KLF12: variants seen among roughly 807,000 people sequenced by gnomAD.
The protein encoded by KLF12 is Krueppel-like factor 12.
In KLF12, 9 loss-of-function variants were observed where a neutral mutation model predicts 37.8. That is an observed-to-expected ratio of 0.24 (90% CI 0.14 to 0.42). The LOEUF is 0.42. KLF12 is among the 10% of genes least tolerant of loss of function. KLF12 has a pLI of 1.00. For missense variants in KLF12, 411 were observed against 516.0 expected (o/e 0.80, Z 1.97); for synonymous variants, 208 against 202.1 (o/e 1.03, Z -0.25).
In KLF12 at chr13:74,118,397, T is replaced by G. The variant is rs553671446; in HGVS notation, c.-32+15342A>C. On this transcript the variant is annotated intron_variant, in intron 1 of 7. Transcript: ENST00000377669. ...ACGTCTCACAATGCTTAATGAACTTTGCAAAGTTTGTTACATTGTTAAATA... is the reference window on the plus strand; with the variant it reads ...ACGTCTCACAATGCTTAATGAACTTGGCAAAGTTTGTTACATTGTTAAATA... Among the ~76,000 whole-genome samples, 206 of 152,346 alleles carry G rather than the reference T, an allele frequency of 1.4e-3. 1 individual carries two copies. Among genetic ancestry groups the G allele is most frequent in the African/African-American group, 4.4e-3 (182 of 41,590 alleles).
intron 1 of KLF12, among the ~76,000 whole-genome samples, chr13:74,063,771 ATTT>A (rs1261212492): frequency 6.6e-6 from 1 of 152,190 alleles, no homozygotes; most frequent in Non-Finnish European, 1.5e-5. Flanking sequence ...ACCAAATTTT[ATTT>A]TAGTATTTAT....
chr13:73,787,583 T>C (rs1181825107), intron 5 of KLF12, among the ~76,000 whole-genome samples: 1 of 152,172 alleles, frequency 6.6e-6, no homozygotes, highest in Non-Finnish European at 1.5e-5. Context: ...GATAGGTACG[T>C]TGCTTGTGGA....
chr13:73,726,910 T>C (rs1876708903), intron 6 of KLF12, among the ~76,000 whole-genome samples: 1 of 152,196 alleles, frequency 6.6e-6, no homozygotes, highest in South Asian at 2.1e-4. Context: ...TAACCAGTAT[T>C]GTGAGAAAGA....
the KLF12 span, among the ~76,000 whole-genome samples, chr13:74,177,202 A>T: frequency 2.0e-5 from 3 of 152,242 alleles, no homozygotes; most frequent in Non-Finnish European, 2.9e-5. Flanking sequence ...ACTTTACATC[A>T]TCAGAGACAC....
chr13:73,931,014 G>A (rs890229932), intron 3 of KLF12, among the ~76,000 whole-genome samples: 12 of 151,848 alleles, frequency 7.9e-5, no homozygotes, highest in African/African-American at 2.9e-4. Context: ...GTGCCACCAT[G>A]TCTCGCTAAT....
chr13:74,176,828 T>C, the KLF12 span, among the ~76,000 whole-genome samples: 35,720 of 152,052 alleles, frequency 0.23, 7,157 homozygotes, highest in African/African-American at 0.55. Flanking sequence ...CCAGAAAACC[T>C]CTGCTTTATA....
At chr13:73,872,162 A>G (rs543896774) in intron 3 of KLF12, among the ~76,000 whole-genome samples, 1 of 152,182 alleles carries the variant, frequency 6.6e-6, no homozygotes, top group Non-Finnish European at 1.5e-5. Context: ...ATGGTCAATG[A>G]TTTGATTTTT....
intron 5 of KLF12, among the ~76,000 whole-genome samples, chr13:73,774,987 A>G (rs924427401): frequency 1.3e-5 from 2 of 148,630 alleles, no homozygotes; most frequent in African/African-American, 5.0e-5. Flanking sequence ...GCACGATCTC[A>G]GCTCACTGCA....
At chr13:74,207,997 A>G in the KLF12 span, among the ~76,000 whole-genome samples, 2 of 152,216 alleles carry the variant, frequency 1.3e-5, no homozygotes, top group Non-Finnish European at 2.9e-5. Flanking sequence ...AGACATTTTT[A>G]AAGCTTAAAT....
intron 3 of KLF12, among the ~76,000 whole-genome samples, chr13:73,943,255 A>G (rs17071090): frequency 0.078 from 11,849 of 152,240 alleles, 624 homozygotes; most frequent in Admixed American, 0.17. Context: ...AGTAGCCAAC[A>G]GGCACTCAGC....
chr13:73,765,560 G>A (rs1879855886), intron 5 of KLF12, among the ~76,000 whole-genome samples: 1 of 152,146 alleles, frequency 6.6e-6, no homozygotes, highest in Admixed American at 6.5e-5. Flanking sequence ...TGCTACACTG[G>A]ACTTTGAAGA....
chr13:73,812,422 ATTAAC>A (rs139348263), intron 5 of KLF12, among the ~76,000 whole-genome samples: 57,143 of 151,226 alleles, frequency 0.38, 11,266 homozygotes, highest in Middle Eastern at 0.45. Context: ...GAATGTATTA[ATTAAC>A]TTAATTGTGG....
intron 1 of KLF12, among the ~76,000 whole-genome samples, chr13:74,079,454 G>T (rs1242663728): frequency 6.6e-6 from 1 of 152,130 alleles, no homozygotes; most frequent in Non-Finnish European, 1.5e-5. Flanking sequence ...ATGTAAGATG[G>T]ACTCGCAAAA....
rs371622637 is a variant in KLF12 at position 73,813,069 on chromosome 13, T to G, written c.806+83A>C. ...CAGTTCACAGCTAGAATGACATGGC[T>G]GGGGGACAGGAGATGCTGCAGTTTC... On this transcript the variant is annotated intron_variant, in intron 5 of 7. Coordinates refer to ENST00000377669, the MANE Select transcript of KLF12 (RefSeq NM_007249.5). 29 of 1,450,666 alleles carry G rather than the reference T, an allele frequency of 2.0e-5. 1 individual carries two copies. The Middle Eastern group carries it at 1.1e-3, about 53-fold the overall frequency. The allele number at this position is 1,450,666 out of a possible 1,614,324, so 89.9% of individuals were successfully genotyped here.
intron 1 of KLF12, among the ~76,000 whole-genome samples, chr13:74,122,366 C>T (rs927049880): frequency 6.6e-6 from 1 of 151,998 alleles, no homozygotes; most frequent in Non-Finnish European, 1.5e-5. Context: ...ATTCCAGTAA[C>T]AGTAAGATAT....
intron 1 of KLF12, among the ~76,000 whole-genome samples, chr13:74,077,473 A>G (rs925545553): frequency 2.6e-5 from 4 of 152,192 alleles, no homozygotes; most frequent in Admixed American, 1.3e-4. Context: ...TTAACAGTAT[A>G]ATAATTAGGG....
chr13:73,710,378 CTG>C (rs59799453), intron 7 of KLF12, among the ~76,000 whole-genome samples: 59,738 of 143,646 alleles, frequency 0.42, 12,320 homozygotes, highest in Admixed American at 0.48. Context: ...AAGATATTGT[CTG>C]TGTGTGTGTG....
chr13:73,783,654 A>G (rs899961453), intron 5 of KLF12, among the ~76,000 whole-genome samples: 7 of 152,152 alleles, frequency 4.6e-5, no homozygotes, highest in Middle Eastern at 3.2e-3. Context: ...TATTTTACTA[A>G]TGTGAATTGC....
At chr13:73,717,033 G>C (rs1461708566) in intron 6 of KLF12, among the ~76,000 whole-genome samples, 1 of 152,146 alleles carries the variant, frequency 6.6e-6, no homozygotes, top group Non-Finnish European at 1.5e-5. Flanking sequence ...TAAAGGGCTA[G>C]ATAGTAAATA....
Sources: gnomAD v4.1 joint callset for allele counts (sites outside exome capture counted in the v4.1 genomes callset) on GRCh38, gnomAD v4.1.1 for gene constraint, MANE v1.5 for transcripts, NCBI Gene and HGNC (gene_info 2026-07-23, HGNC 2026-07-21) for gene names.